DNASE1: variants seen among roughly 807,000 people sequenced by gnomAD.
The protein encoded by DNASE1 is deoxyribonuclease-1.
Under a neutral mutation model 33.9 loss-of-function variants are expected in DNASE1, and 40 were observed. The observed-to-expected ratio is 1.18, with a 90% CI of 0.92 to 1.54. The LOEUF is 1.54. Ranked by LOEUF, DNASE1 falls within the 40% of genes most tolerant of loss-of-function variation. The pLI is 0.00. For missense variants in DNASE1, 518 were observed against 372.6 expected, an observed-to-expected ratio of 1.39 and a Z score of -3.21; for synonymous variants, 216 against 160.0, an observed-to-expected ratio of 1.35 and a Z score of -2.64.
At chr16:3,618,980 A>G (rs2041206085) in intron 1 of DNASE1, among the ~76,000 whole-genome samples, 1 of 151,858 alleles carries the variant, frequency 6.6e-6, no homozygotes, top group Admixed American at 6.6e-5. Flanking sequence ...GATCTTCCCA[A>G]CTTCCTTATC....
rs897372945 is a variant in DNASE1 at position 3,655,282 on chromosome 16, G to C, written c.-1-91G>C. On this transcript the variant is annotated intron_variant, in intron 1 of 8. Coordinates refer to ENST00000246949, the MANE Select transcript of DNASE1 (RefSeq NM_005223.4). ...GTCCCCCTGACCTTGAGCTCCACCA[G>C]CCCCTGCCAGCTGGGCTCCAGAAGG... 6 of 1,571,746 alleles carry C rather than the reference G, an allele frequency of 3.8e-6. No individual in the cohort carries two copies. In the South Asian group the frequency reaches 5.7e-5, roughly 15 times the overall value.
exon 10 of DNASE1, chr16:3,663,218 C>T (rs572189013): frequency 1.1e-4 from 75 of 710,424 alleles, no homozygotes; most frequent in African/African-American, 9.5e-4. Context: ...CAGAAGCCAC[C>T]GTGGCAGGAG....
chr16:3,656,146 G>A lies in DNASE1; in HGVS notation c.281G>A (p.Gly94Glu). The A allele has an allele frequency of 3.1e-6, 5 of 1,614,144 alleles. No homozygotes were observed. The highest frequency in any genetic ancestry group is 4.2e-6 in the Non-Finnish European group (5 of 1,180,024). The change falls in exon 4 of 9, where the codon GGA (glycine) becomes GAA (glutamate). Residue 94 changes from glycine to glutamate, a missense_variant. By Grantham distance (98) the Gly-to-Glu change is moderately conservative. Coordinates refer to ENST00000246949, the MANE Select transcript of DNASE1 (RefSeq NM_005223.4). ...TYHYVVSEPLGRNSYKERYLF... is the reference protein window; with the variant it reads ...TYHYVVSEPLERNSYKERYLF... The stretch of plus-strand genomic sequence containing the variant: ...CACTACGTGGTCAGTGAGCCACTGG[G>A]ACGGAACAGCTATAAGGAGCGCTAC...
intron 1 of DNASE1, among the ~76,000 whole-genome samples, chr16:3,625,432 G>A (rs964003747): frequency 1.3e-5 from 2 of 152,144 alleles, no homozygotes; most frequent in Non-Finnish European, 2.9e-5. Flanking sequence ...AGCCTGGGCT[G>A]TGTAGTGAGA....
At chr16:3,662,822 C>A, downstream of DNASE1, 1 of 1,556,270 alleles carries the variant, frequency 6.4e-7, no homozygotes, top group South Asian at 1.1e-5. Context: ...GAGCCACCAG[C>A]TGGCCAGCCT....
At chr16:3,626,757 A>T (rs1213748265) in intron 1 of DNASE1, among the ~76,000 whole-genome samples, 2 of 152,096 alleles carry the variant, frequency 1.3e-5, no homozygotes, top group African/African-American at 4.8e-5. Context: ...TTCATTTGTC[A>T]GTTTTTGTTT....
intron 1 of DNASE1, among the ~76,000 whole-genome samples, chr16:3,625,448 C>A (rs112693326): frequency 3.3e-5 from 5 of 151,680 alleles, no homozygotes; most frequent in Admixed American, 1.3e-4. Context: ...TGAGACCCAT[C>A]GCTGCAAAAA....
intron 1 of DNASE1, among the ~76,000 whole-genome samples, chr16:3,647,143 G>T (rs1006996936): frequency 2.6e-5 from 4 of 151,828 alleles, no homozygotes; most frequent in African/African-American, 9.7e-5. Flanking sequence ...TTAATTTTTT[G>T]TGTGTGGTTT....
At chr16:3,637,123 C>CAAAAAAAAAAAA (rs55645773) in intron 1 of DNASE1, among the ~76,000 whole-genome samples, 1 of 144,290 alleles carries the variant, frequency 6.9e-6, no homozygotes. Context: ...GACTCCATCT[C>CAAAAAAAAAAAA]AAAAAAAAAA....
intron 1 of DNASE1, 140 bp from the exon 2 acceptor site, chr16:3,655,233 T>C: frequency 2.5e-6 from 3 of 1,200,782 alleles, no homozygotes; most frequent in South Asian, 1.4e-5. Flanking sequence ...CTGGACGTTG[T>C]AGGAAAGGGT....
At chr16:3,616,180 G>A (rs1485838637) in intron 1 of DNASE1, among the ~76,000 whole-genome samples, 1 of 152,160 alleles carries the variant, frequency 6.6e-6, no homozygotes, top group Non-Finnish European at 1.5e-5. Flanking sequence ...GCCTTTGTGT[G>A]ATTTTGCTCT....
At chr16:3,640,893 C>T (rs1427220806), upstream of DNASE1, 7 of 398,610 alleles carry the variant, frequency 1.8e-5, no homozygotes, top group Non-Finnish European at 2.7e-5. Context: ...AGGACAGGAG[C>T]CCGTCACCCA....
upstream of DNASE1, among the ~76,000 whole-genome samples, chr16:3,639,668 T>C (rs993871986): frequency 6.6e-6 from 1 of 152,222 alleles, no homozygotes; most frequent in Non-Finnish European, 1.5e-5. Flanking sequence ...ATGCTAAACT[T>C]CCCTTGTTTA....
At chr16:3,628,159 C>T (rs1293299140) in intron 1 of DNASE1, among the ~76,000 whole-genome samples, 1 of 152,168 alleles carries the variant, frequency 6.6e-6, no homozygotes, top group African/African-American at 2.4e-5. Flanking sequence ...CTTTTACCTC[C>T]TTGGTTAAAA....
At chr16:3,612,990 A>G (rs2040959975) in intron 1 of DNASE1, among the ~76,000 whole-genome samples, 2 of 152,178 alleles carry the variant, frequency 1.3e-5, no homozygotes, top group African/African-American at 2.4e-5. Flanking sequence ...ATGTTTTTTA[A>G]AAGATACAGT....
At chr16:3,622,458 A>C (rs2041357042) in intron 1 of DNASE1, among the ~76,000 whole-genome samples, 1 of 152,094 alleles carries the variant, frequency 6.6e-6, no homozygotes, top group Non-Finnish European at 1.5e-5. Flanking sequence ...TGGGCTTTGC[A>C]TTCTTTTAGA....
chr16:3,637,999 T>G (rs1182103241), upstream of DNASE1, among the ~76,000 whole-genome samples: 1 of 152,140 alleles, frequency 6.6e-6, no homozygotes, highest in East Asian at 1.9e-4. Flanking sequence ...TAGTGACAAC[T>G]TCTAAGCTCC....
At chr16:3,615,758 A>G (rs530726442) in intron 1 of DNASE1, among the ~76,000 whole-genome samples, 1 of 152,318 alleles carries the variant, frequency 6.6e-6, no homozygotes, top group South Asian at 2.1e-4. Context: ...CAAAAAGGCA[A>G]AGGTTGAAGA....
chr16:3,619,692 T>A (rs550341573), intron 1 of DNASE1, among the ~76,000 whole-genome samples: 2 of 151,930 alleles, frequency 1.3e-5, no homozygotes, highest in East Asian at 3.9e-4. Context: ...AAATTTTTTT[T>A]GTAGACACAG....
Sources: gnomAD v4.1 joint callset for allele counts (sites outside exome capture counted in the v4.1 genomes callset) on GRCh38, gnomAD v4.1.1 for gene constraint, MANE v1.5 for transcripts, NCBI Gene and HGNC (gene_info 2026-07-23, HGNC 2026-07-21) for gene names.